Variants in BPI observed in about 807,000 individuals in gnomAD.
The protein encoded by BPI is bactericidal permeability-increasing protein.
A neutral mutation model predicts 57.6 loss-of-function variants in BPI; 48 were observed. That is an observed-to-expected ratio of 0.83 (90% confidence interval 0.66 to 1.06). The LOEUF is 1.06. BPI is among the 50% of genes least tolerant of loss of function. The pLI, the probability that BPI is intolerant of heterozygous loss-of-function variation, is 0.00. For missense variants in BPI, 651 were observed against 609.7 expected (o/e 1.07, Z -0.71); for synonymous variants, 237 against 238.2 (o/e 0.99, Z 0.05).
At position 38,307,657 on chromosome 20, in the gene BPI, G is replaced by A; in HGVS notation, c.221G>A (p.Gly74Glu). ...GACAGCTTTAAGATCAAGCATCTTG[G>A]GAAGGGGCATTATAGCTTCTACAGG... is the stretch of plus-strand genomic sequence containing the variant. ...YSDSFKIKHLGKGHYSFYSMD... is the reference protein window; with the variant it reads ...YSDSFKIKHLEKGHYSFYSMD... The change falls in exon 2 of 15, where the codon GGG becomes GAG. Residue 74 changes from glycine (G) to glutamate (E), a missense_variant. By Grantham distance (98) the Gly-to-Glu change is moderately conservative. Coordinates refer to ENST00000642449, the MANE Select transcript of BPI (RefSeq NM_001725.3). 6.2e-7 allele frequency: 1 copy of A among 1,611,620 alleles called. No homozygotes were observed. Among genetic ancestry groups the A allele is most frequent in the Non-Finnish European group, 8.5e-7 (1 of 1,178,960 alleles).
At chr20:38,311,804 G>A (rs6127724) in intron 4 of BPI, 70 bp from the exon 5 acceptor site, 3 of 1,505,762 alleles carry the variant, frequency 2.0e-6, no homozygotes, top group East Asian at 2.3e-5. Flanking sequence ...TTTGAGATGA[G>A]GCAGCCTCCT....
chr20:38,325,930 G>A (rs116070214), intron 9 of BPI, among the ~76,000 whole-genome samples: 107 of 152,284 alleles, frequency 7.0e-4, no homozygotes, highest in African/African-American at 2.6e-3. Flanking sequence ...CATCTGCAGA[G>A]ACCTGAAGGA....
chr20:38,331,632 T>C (rs6069764), intron 12 of BPI, among the ~76,000 whole-genome samples: 78,633 of 151,664 alleles, frequency 0.52, 20,660 homozygotes, highest in Middle Eastern at 0.59. Context: ...CTGCTTGAGG[T>C]TAGGACTTCA....
intron 5 of BPI, among the ~76,000 whole-genome samples, chr20:38,317,226 T>C (rs1324419824): frequency 2.0e-5 from 3 of 152,226 alleles, no homozygotes; most frequent in African/African-American, 7.2e-5. Context: ...GAGAAGCCTG[T>C]GGTTTAAATC....
intron 1 of BPI, 83 bp from the exon 2 acceptor site, chr20:38,307,484 C>A: frequency 1.0e-6 from 1 of 979,002 alleles, no homozygotes; most frequent in East Asian, 2.8e-5. Context: ...CGAACAGGGG[C>A]CCAGGGTCCA....
intron 11 of BPI, among the ~76,000 whole-genome samples, chr20:38,329,481 T>C (rs1378807376): frequency 6.6e-6 from 1 of 152,198 alleles, no homozygotes; most frequent in East Asian, 1.9e-4. Flanking sequence ...TAATTTCTCT[T>C]AAACACCCAT....
At chr20:38,311,217 T>C (rs2076620454) in intron 4 of BPI, among the ~76,000 whole-genome samples, 1 of 152,246 alleles carries the variant, frequency 6.6e-6, no homozygotes, top group African/African-American at 2.4e-5. Flanking sequence ...CTTAAGTTGC[T>C]ACAGCTAATG....
At chr20:38,326,952 A>G (rs1382472417) in intron 10 of BPI, among the ~76,000 whole-genome samples, 1 of 152,148 alleles carries the variant, frequency 6.6e-6, no homozygotes, top group African/African-American at 2.4e-5. Context: ...TTATTCATTC[A>G]TGCATATCTT....
intron 5 of BPI, among the ~76,000 whole-genome samples, chr20:38,312,667 T>C (rs964545346): frequency 1.3e-5 from 2 of 152,186 alleles, no homozygotes; most frequent in African/African-American, 4.8e-5. Flanking sequence ...ACTGTGGGAA[T>C]GACTGGAGGG....
rs2122483106 is a variant in BPI at position 38,304,366 on chromosome 20, C to T, written c.130+13C>T. 6.2e-7 allele frequency: 1 copy of T among 1,611,236 alleles called. No individual in the cohort carries two copies. Among genetic ancestry groups the T allele is most frequent in the South Asian group, 1.1e-5 (1 of 91,028 alleles). On this transcript the variant is annotated intron_variant, in intron 1 of 14. Transcript: ENST00000642449. ...GGCCTGGACTACGGTAACTGGATGC[C>T]TCCCTTCCCTCCTCTCCACCCCTGA...
At chr20:38,326,188 G>T (rs1332668732) in intron 9 of BPI, 77 bp from the exon 10 acceptor site, 1 of 1,435,454 alleles carries the variant, frequency 7.0e-7, no homozygotes, top group Non-Finnish European at 9.5e-7. Flanking sequence ...TTTAAGTAGG[G>T]GCAGGCCAAG....
intron 7 of BPI, among the ~76,000 whole-genome samples, chr20:38,322,370 T>C (rs1377055150): frequency 6.6e-6 from 1 of 152,238 alleles, no homozygotes; most frequent in African/African-American, 2.4e-5. Context: ...TAAGTAATTA[T>C]CCTCAGTGAA....
intron 7 of BPI, 29 bp downstream of exon 7, chr20:38,320,303 C>T: frequency 1.3e-6 from 2 of 1,597,388 alleles, no homozygotes; most frequent in East Asian, 2.2e-5. Context: ...ATCATACACC[C>T]TCACACCTCT....
At chr20:38,317,570 C>T (rs1045464183) in intron 5 of BPI, 2 of 700,682 alleles carry the variant, frequency 2.9e-6, no homozygotes, top group African/African-American at 1.8e-5. Flanking sequence ...TCTGCACAGC[C>T]TTTTATGACC....
At chr20:38,305,341 G>T (rs1277641556) in intron 1 of BPI, among the ~76,000 whole-genome samples, 1 of 152,162 alleles carries the variant, frequency 6.6e-6, no homozygotes, top group East Asian at 1.9e-4. Context: ...TAAGTTCAGT[G>T]GTCTTCATGC....
intron 14 of BPI, among the ~76,000 whole-genome samples, chr20:38,336,201 G>T (rs1400855833): frequency 6.6e-6 from 1 of 151,832 alleles, no homozygotes; most frequent in East Asian, 1.9e-4. Context: ...GCTCTTGGTT[G>T]TCTACCTGCC....
At position 38,311,912 on chromosome 20, in the gene BPI, C is replaced by A. The variant is rs5743509; in HGVS notation, c.575C>A (p.Ala192Glu). The A allele has an allele frequency of 1.2e-6, 2 of 1,613,826 alleles. No individual in the cohort carries two copies. Among genetic ancestry groups the A allele is most frequent in the Non-Finnish European group, 1.7e-6 (2 of 1,179,986 alleles). ...IQLFHKKIES[A>E]LRNKMNSQVC... ...CTCTTCCACAAAAAAATTGAGTCTG[C>A]GCTTCGAAACAAGATGAACAGCCAG... Residue 192 changes from alanine (A) to glutamate (E), a missense_variant, in exon 5 of 15, where the codon GCG becomes GAG. Transcript: ENST00000642449.
rs1460544252 is a variant in BPI, at chr20:38,313,394, A to T, written c.600+1457A>T. Among the ~76,000 whole-genome samples, 10 of 40,894 alleles carry T rather than the reference A, an allele frequency of 2.4e-4. No homozygotes were observed. In the East Asian group the frequency reaches 2.9e-3, roughly 12 times the overall value. The allele number at this position is 40,894 out of a possible 152,430, so 26.8% of individuals were successfully genotyped here. On this transcript the variant is annotated intron_variant, in intron 5 of 14. Coordinates refer to ENST00000642449, the MANE Select transcript of BPI (RefSeq NM_001725.3). ...GTGAAACCCTGTCTCAAAAAAAAAA[A>T]AAAAAAAAAAAAAAAAAAAGGGTAG...
In BPI at chr20:38,317,258, C is replaced by G. The variant is rs76258615; in HGVS notation, c.601-1155C>G. Among the ~76,000 whole-genome samples, 13 of 152,300 alleles carry G rather than the reference C, an allele frequency of 8.5e-5. No homozygotes were observed. The South Asian group carries it at 2.5e-3, about 29-fold the overall frequency. ...AATCCTATATTCTAGCTATCTATTGCTTGAAAACAAACAACTCAAAATTTG... is the reference window on the plus strand; with the variant it reads ...AATCCTATATTCTAGCTATCTATTGGTTGAAAACAAACAACTCAAAATTTG... On this transcript the variant is annotated intron_variant, in intron 5 of 14. Transcript: ENST00000642449.
Sources: allele counts gnomAD v4.1 joint callset (sites outside exome capture counted in the v4.1 genomes callset), GRCh38; gene constraint gnomAD v4.1.1; transcripts MANE v1.5; gene names NCBI Gene and HGNC (gene_info 2026-07-23, HGNC 2026-07-21).